The following SEMA5A variants were observed in gnomAD, a reference collection of about 807,000 sequenced individuals.
The protein encoded by SEMA5A is semaphorin-5A.
A neutral mutation model predicts 135.5 loss-of-function variants in SEMA5A; 55 were observed. The observed-to-expected ratio is 0.41, with a 90% CI of 0.33 to 0.51. The LOEUF (loss-of-function observed/expected upper bound fraction) is 0.51. Among genes scored for constraint, SEMA5A ranks in the 20% least tolerant of loss-of-function variants. SEMA5A has a pLI of 0.37. For missense variants in SEMA5A, 1,290 were observed against 1,419.9 expected (o/e 0.91, Z 1.47); for synonymous variants, 580 against 546.5 (o/e 1.06, Z -0.85).
intron 11 of SEMA5A, among the ~76,000 whole-genome samples, chr5:9,176,287 G>C (rs1344798981): frequency 2.0e-5 from 3 of 152,180 alleles, no homozygotes; most frequent in Non-Finnish European, 4.4e-5. Context: ...CTTAGGATGT[G>C]AAAGTAAACT....
At chr5:9,507,231 CT>C (rs1341883075) in intron 1 of SEMA5A, among the ~76,000 whole-genome samples, 6 of 152,136 alleles carry the variant, frequency 3.9e-5, no homozygotes, top group Admixed American at 3.9e-4. Context: ...GGGTGTGTAT[CT>C]CCATTATCTT....
intron 12 of SEMA5A, 89 bp from the exon 13 acceptor site, chr5:9,136,710 A>C: frequency 3.8e-6 from 4 of 1,058,044 alleles, no homozygotes; most frequent in Non-Finnish European, 5.9e-6. Flanking sequence ...CTTGGCAGAG[A>C]GGTATGGGAT....
rs746303427 is a variant in SEMA5A, at chr5:9,154,647, C to T, written c.1322G>A (p.Ser441Asn). 3 of 1,614,102 alleles carry T rather than the reference C, an allele frequency of 1.9e-6. No individual in the cohort carries two copies. The highest frequency in any genetic ancestry group is 1.1e-5 in the South Asian group (1 of 91,072). Residue 441 changes from serine to asparagine, a missense_variant, in exon 12 of 23, where the codon AGC becomes AAC. Physicochemically the swap from Ser to Asn is conservative, Grantham distance 46 (BLOSUM62 1). Coordinates refer to ENST00000382496, the MANE Select transcript of SEMA5A (RefSeq NM_003966.3). ...CTCAATCTCTTCCAGCAAACAGCTG[C>T]TTGAGGTCTGATTCAGGGGTACCCG... ...KVRVPLNQTS[S>N]SCLLEEIELF...
chr5:9,160,442 G>A (rs191646467), intron 11 of SEMA5A, among the ~76,000 whole-genome samples: 1 of 152,214 alleles, frequency 6.6e-6, no homozygotes, highest in East Asian at 1.9e-4. Flanking sequence ...TAGATGAGTA[G>A]AAGTTATGTG....
chr5:9,109,195 T>C (rs975275314), intron 15 of SEMA5A, among the ~76,000 whole-genome samples: 15 of 150,916 alleles, frequency 9.9e-5, no homozygotes, highest in Admixed American at 2.6e-4. Flanking sequence ...CGCCCGCCAC[T>C]ACGCCCGGCT....
At chr5:9,541,503 A>T (rs922415383) in intron 1 of SEMA5A, among the ~76,000 whole-genome samples, 1 of 152,212 alleles carries the variant, frequency 6.6e-6, no homozygotes, top group Non-Finnish European at 1.5e-5. Context: ...CTTTTAAAAT[A>T]GTTTTTTTTC....
intron 17 of SEMA5A, 64 bp from the exon 18 acceptor site, chr5:9,063,169 G>T: frequency 6.9e-7 from 1 of 1,455,808 alleles, no homozygotes; most frequent in South Asian, 1.2e-5. Flanking sequence ...AGTCCATGCT[G>T]ACTTTCATTC....
At chr5:9,510,587 G>A (rs1026631220) in intron 1 of SEMA5A, among the ~76,000 whole-genome samples, 3 of 151,922 alleles carry the variant, frequency 2.0e-5, no homozygotes, top group South Asian at 2.1e-4. Flanking sequence ...ACTTTTTAAG[G>A]AACTATATAA....
intron 5 of SEMA5A, among the ~76,000 whole-genome samples, chr5:9,256,731 T>C (rs1749090443): frequency 6.6e-6 from 1 of 152,202 alleles, no homozygotes; most frequent in Non-Finnish European, 1.5e-5. Flanking sequence ...TAAGAGACCC[T>C]GATTAAATAT....
chr5:9,519,961 GT>G (rs2126868070), intron 1 of SEMA5A: 1 of 152,306 alleles, frequency 6.6e-6, no homozygotes, highest in South Asian at 2.1e-4. Context: ...ATAACCAAAA[GT>G]TTAGACCTGT....
intron 8 of SEMA5A, among the ~76,000 whole-genome samples, chr5:9,224,393 T>C (rs1042897327): frequency 1.9e-5 from 1 of 53,714 alleles, no homozygotes; most frequent in African/African-American, 7.8e-5. Flanking sequence ...TTCTAGACAT[T>C]AAACAACAAT....
intron 8 of SEMA5A, among the ~76,000 whole-genome samples, chr5:9,220,537 G>A (rs1746882043): frequency 6.6e-6 from 1 of 151,980 alleles, no homozygotes; most frequent in Non-Finnish European, 1.5e-5. Flanking sequence ...TATTGAAATA[G>A]AAAACTAAGA....
chr5:9,543,786 T>A (rs973549166), intron 1 of SEMA5A, among the ~76,000 whole-genome samples: 1 of 150,670 alleles, frequency 6.6e-6, no homozygotes, highest in African/African-American at 2.4e-5. Flanking sequence ...GGAAAAAACA[T>A]CTGTGTTTCA....
At chr5:9,136,445 C>T in intron 13 of SEMA5A, 59 bp downstream of exon 13, 2 of 1,428,332 alleles carry the variant, frequency 1.4e-6, no homozygotes, top group Non-Finnish European at 2.0e-6. Context: ...TGAGGATCGC[C>T]AGGGGAGCAT....
In SEMA5A at chr5:9,035,265, T is replaced by TAAAG. The variant is rs1735585428; in HGVS notation, c.*7628_*7631dup. ...GATAGATCTTCAGAATGCTTTTTCATAAAGATGAATAGGGTTGAGATACAG... is the reference window on the plus strand; with the variant it reads ...GATAGATCTTCAGAATGCTTTTTCATAAAGAAAGATGAATAGGGTTGAGATACAG... On this transcript the variant is annotated 3_prime_UTR_variant, in exon 23 of 23. Coordinates refer to ENST00000382496, the MANE Select transcript of SEMA5A (RefSeq NM_003966.3). The TAAAG allele has an allele frequency of 6.6e-6, 1 of 152,194 alleles. No homozygotes were observed. Among genetic ancestry groups the TAAAG allele is most frequent in the Non-Finnish European group, 1.5e-5 (1 of 68,040 alleles). The allele number at this position is 152,194 out of a possible 1,614,324, so 9.4% of individuals were successfully genotyped here. A position where few individuals can be genotyped will look rare whatever the true frequency, so the allele number is the denominator to read the frequency against.
At chr5:9,103,132 GA>G (rs1739720109) in intron 16 of SEMA5A, among the ~76,000 whole-genome samples, 1 of 152,168 alleles carries the variant, frequency 6.6e-6, no homozygotes, top group Admixed American at 6.5e-5. Flanking sequence ...CCTCTGAGTG[GA>G]AAGACCTGGA....
intron 15 of SEMA5A, among the ~76,000 whole-genome samples, chr5:9,110,290 G>A (rs796982274): frequency 5.3e-5 from 8 of 152,290 alleles, no homozygotes; most frequent in African/African-American, 1.9e-4. Context: ...TCCAGGAGTT[G>A]GTGCTTCATC....
At chr5:9,380,985 G>A (rs1294852722) in intron 2 of SEMA5A, among the ~76,000 whole-genome samples, 1 of 152,162 alleles carries the variant, frequency 6.6e-6, no homozygotes, top group African/African-American at 2.4e-5. Flanking sequence ...AGAGGAAGAG[G>A]TACGCAACAT....
chr5:9,054,385 G>A, intron 18 of SEMA5A, 128 bp from the exon 19 acceptor site: 2 of 1,190,526 alleles, frequency 1.7e-6, no homozygotes, highest in Non-Finnish European at 2.3e-6. Context: ...ACTCCAGAAA[G>A]GCTTCAGTGC....
Sources: gnomAD v4.1 joint callset for allele counts (sites outside exome capture counted in the v4.1 genomes callset) on GRCh38, gnomAD v4.1.1 for gene constraint, MANE v1.5 for transcripts, NCBI Gene and HGNC (gene_info 2026-07-23, HGNC 2026-07-21) for gene names.